GALNT10: variants seen among roughly 807,000 people sequenced by gnomAD.
The protein encoded by GALNT10 is polypeptide N-acetylgalactosaminyltransferase 10.
A neutral mutation model predicts 75.0 loss-of-function variants in GALNT10; 41 were observed. That is an observed-to-expected ratio of 0.55 (90% CI 0.43 to 0.71). The LOEUF (loss-of-function observed/expected upper bound fraction) is 0.71. Ranked by LOEUF, GALNT10 falls within the 30% of genes least tolerant of loss-of-function variation. GALNT10 has a pLI of 0.00. For synonymous variants in GALNT10, 302 were observed against 313.0 expected (o/e 0.96, Z 0.37); for missense variants, 727 against 818.5 (o/e 0.89, Z 1.36).
intron 6 of GALNT10, among the ~76,000 whole-genome samples, chr5:154,383,204 G>A (rs992533005): frequency 6.6e-6 from 1 of 152,098 alleles, no homozygotes; most frequent in Non-Finnish European, 1.5e-5. Flanking sequence ...CTAGGAAGTG[G>A]CCACTAGAGA....
intron 1 of GALNT10, among the ~76,000 whole-genome samples, chr5:154,212,097 C>T (rs751552078): frequency 3.3e-5 from 5 of 152,124 alleles, no homozygotes; most frequent in Non-Finnish European, 7.4e-5. Context: ...TGTCTGCCCT[C>T]CAGAAGTTTA....
In GALNT10 at chr5:154,235,339, A is replaced by G. The variant is rs368578737; in HGVS notation, c.159+44314A>G. Among the ~76,000 whole-genome samples the G allele has an allele frequency of 2.5e-4, 38 of 152,330 alleles. No individual in the cohort carries two copies. In the East Asian group the frequency reaches 5.2e-3, roughly 21 times the overall value. On this transcript the variant is annotated intron_variant, in intron 1 of 11. Coordinates refer to ENST00000297107, the MANE Select transcript of GALNT10 (RefSeq NM_198321.4). ...AGCCACAGCAGCAGCTGGTAATACC[A>G]TGATTACAGCAGCACAGATGGGGTT...
At chr5:154,194,230 A>G (rs932217557) in intron 1 of GALNT10, among the ~76,000 whole-genome samples, 1 of 152,232 alleles carries the variant, frequency 6.6e-6, no homozygotes, top group Non-Finnish European at 1.5e-5. Flanking sequence ...TTTAATTTTC[A>G]AGTATCAGGA....
At chr5:154,272,935 A>C (rs1581949867) in intron 1 of GALNT10, among the ~76,000 whole-genome samples, 2 of 85,110 alleles carry the variant, frequency 2.3e-5, no homozygotes, top group East Asian at 1.5e-3. Flanking sequence ...TGAATTGTGT[A>C]CTCTAGACGG....
chr5:154,312,540 T>G (rs1754537384), intron 3 of GALNT10, among the ~76,000 whole-genome samples: 1 of 152,228 alleles, frequency 6.6e-6, no homozygotes, highest in African/African-American at 2.4e-5. Flanking sequence ...TACAAGTACT[T>G]TTTTCACTTA....
At chr5:154,399,412 G>A (rs1050005957) in intron 7 of GALNT10, among the ~76,000 whole-genome samples, 2 of 152,166 alleles carry the variant, frequency 1.3e-5, no homozygotes, top group African/African-American at 4.8e-5. Context: ...GAGCAAGCCA[G>A]GAGCATGACG....
At chr5:154,329,761 TC>T in intron 4 of GALNT10, 23 bp downstream of exon 4, 1 of 1,529,384 alleles carries the variant, frequency 6.5e-7, no homozygotes. Flanking sequence ...CCACCCAGCC[TC>T]CCACCCTCTG....
intron 9 of GALNT10, among the ~76,000 whole-genome samples, chr5:154,411,868 A>G (rs527918140): frequency 6.6e-6 from 1 of 152,330 alleles, no homozygotes; most frequent in South Asian, 2.1e-4. Context: ...GAGAGCCATG[A>G]GACCACAACA....
At chr5:154,235,614 C>T (rs1368154907) in intron 1 of GALNT10, among the ~76,000 whole-genome samples, 11 of 152,158 alleles carry the variant, frequency 7.2e-5, no homozygotes, top group Non-Finnish European at 1.0e-4. Flanking sequence ...CTGGACATTC[C>T]GTCATGGCTG....
chr5:154,369,389 AAAAC>A (rs1258249453), intron 4 of GALNT10, among the ~76,000 whole-genome samples: 2 of 152,136 alleles, frequency 1.3e-5, no homozygotes, highest in Admixed American at 1.3e-4. Context: ...CCTCGTCTCA[AAAAC>A]AAACAAAAAA....
rs139851872 is a variant in GALNT10 at position 154,260,077 on chromosome 5, A to T, written c.160-34739A>T. ...TTTTTGGAGGGAAATACACTTGTGGATGTTTTGTTTGTTTTTTGTTTGTGT... is the reference window on the plus strand; with the variant it reads ...TTTTTGGAGGGAAATACACTTGTGGTTGTTTTGTTTGTTTTTTGTTTGTGT... On this transcript the variant is annotated intron_variant, in intron 1 of 11. Coordinates refer to ENST00000297107, the MANE Select transcript of GALNT10 (RefSeq NM_198321.4). Among the ~76,000 whole-genome samples, 3 of 152,304 alleles carry T rather than the reference A, an allele frequency of 2.0e-5. No individual in the cohort carries two copies. The East Asian group carries it at 5.8e-4, about 29-fold the overall frequency.
chr5:154,330,841 C>T lies in GALNT10; in HGVS notation c.568+1103C>T, dbSNP rs187768487. 9.2e-5 allele frequency among the ~76,000 whole-genome samples: 14 copies of T among 152,058 alleles called. No individual in the cohort carries two copies. In the East Asian group the frequency reaches 1.4e-3, roughly 15 times the overall value. Reference sequence around the variant, plus strand: ...TTTCAGGAGCGGCTCACCTGCCCATCGCCCCGTTTTAATACCGCACTCTTA... The same window carrying T: ...TTTCAGGAGCGGCTCACCTGCCCATTGCCCCGTTTTAATACCGCACTCTTA... On this transcript the variant is annotated intron_variant, in intron 4 of 11. Transcript: ENST00000297107.
chr5:154,413,148 T>C (rs1756438400), intron 10 of GALNT10, 143 bp downstream of exon 10: 3 of 627,738 alleles, frequency 4.8e-6, no homozygotes, highest in African/African-American at 3.7e-5. Flanking sequence ...TTTAAGATCT[T>C]CCTGAACACC....
At chr5:154,406,428 A>G (rs746168138) in intron 8 of GALNT10, among the ~76,000 whole-genome samples, 1 of 152,240 alleles carries the variant, frequency 6.6e-6, no homozygotes, top group Non-Finnish European at 1.5e-5. Context: ...AGAACCACAG[A>G]GATGCCTGAA....
At chr5:154,254,217 G>A (rs1753572690) in intron 1 of GALNT10, among the ~76,000 whole-genome samples, 1 of 152,122 alleles carries the variant, frequency 6.6e-6, no homozygotes, top group South Asian at 2.1e-4. Flanking sequence ...TGCCTTGTTA[G>A]CAAATTTGGT....
At chr5:154,283,278 TAAAAAAAAAA>T (rs59422213) in intron 1 of GALNT10, among the ~76,000 whole-genome samples, 2 of 79,510 alleles carry the variant, frequency 2.5e-5, no homozygotes, top group South Asian at 1.1e-3. Flanking sequence ...ACCTCGTCTG[TAAAAAAAAAA>T]AAAAAAAAAA....
intron 1 of GALNT10, among the ~76,000 whole-genome samples, chr5:154,272,088 T>C (rs1753874835): frequency 6.6e-6 from 1 of 152,168 alleles, no homozygotes; most frequent in Non-Finnish European, 1.5e-5. Flanking sequence ...GGAATGAGCC[T>C]CTTCTGTCCC....
intron 1 of GALNT10, among the ~76,000 whole-genome samples, chr5:154,240,720 G>A (rs969627790): frequency 5.3e-5 from 8 of 152,192 alleles, no homozygotes; most frequent in Non-Finnish European, 8.8e-5. Context: ...AATCTTGAGC[G>A]TTGATAAGAG....
chr5:154,385,087 G>C (rs995717738), intron 6 of GALNT10, among the ~76,000 whole-genome samples: 1 of 152,176 alleles, frequency 6.6e-6, no homozygotes, highest in African/African-American at 2.4e-5. Context: ...GAGCTTATTC[G>C]ATCAGCCTAC....
Sources: gnomAD v4.1 joint callset for allele counts (sites outside exome capture counted in the v4.1 genomes callset) on GRCh38, gnomAD v4.1.1 for gene constraint, MANE v1.5 for transcripts, NCBI Gene and HGNC (gene_info 2026-07-23, HGNC 2026-07-21) for gene names.